Variants in ADGRV1 observed in about 807,000 individuals in gnomAD.
The protein encoded by ADGRV1 is G-protein coupled receptor 98.
Under a neutral mutation model 596.2 loss-of-function variants are expected in ADGRV1, and 359 were observed. That is an observed-to-expected ratio of 0.60 (90% confidence interval 0.55 to 0.66). ADGRV1 has a LOEUF of 0.66. ADGRV1 is among the 30% of genes least tolerant of loss of function. The probability of loss-of-function intolerance (pLI) is 0.00; values close to 1 mark genes in which losing one functional copy is unlikely to be tolerated. For missense variants in ADGRV1, 7,274 were observed against 7,575.6 expected (o/e 0.96, Z 1.48); for synonymous variants, 2,681 against 2,679.2 (o/e 1.00, Z -0.02).
In ADGRV1 at chr5:90,759,600, A is replaced by G. The variant is rs971599435; in HGVS notation, c.12120+12A>G. 3 of 1,604,776 alleles carry G rather than the reference A, an allele frequency of 1.9e-6. No individual in the cohort carries two copies. Among genetic ancestry groups the G allele is most frequent in the Non-Finnish European group, 2.6e-6 (3 of 1,172,184 alleles). ...TTGAAGAAAAGACTGTAAGTTAAAC[A>G]TATCAGGGGAAAGCCTTGTTTCAGG... is the stretch of plus-strand genomic sequence containing the variant. On this transcript the variant is annotated intron_variant, in intron 58 of 89. Transcript: ENST00000405460.
intron 56 of ADGRV1, 98 bp downstream of exon 56, chr5:90,756,728 A>G: frequency 9.6e-7 from 1 of 1,041,494 alleles, no homozygotes; most frequent in Non-Finnish European, 1.4e-6. Context: ...TTATTTTTAA[A>G]TAGATAAATA....
chr5:90,759,913 T>G (rs1189183021), intron 58 of ADGRV1: 1 of 247,236 alleles, frequency 4.0e-6, no homozygotes, highest in East Asian at 1.0e-4. Flanking sequence ...TGCAGTGAGC[T>G]GAGATCACGC....
chr5:90,778,701 G>C, intron 63 of ADGRV1, 92 bp downstream of exon 63: 2 of 1,145,558 alleles, frequency 1.7e-6, no homozygotes, highest in South Asian at 4.1e-5. Context: ...TTCATAAACT[G>C]ATTAATTTGC....
rs368671859 is a variant in ADGRV1 at position 91,163,918 on chromosome 5, G to A, written c.*18G>A. 37 of 1,133,116 alleles carry A rather than the reference G, an allele frequency of 3.3e-5. No individual in the cohort carries two copies. In the South Asian group the frequency reaches 4.4e-4, roughly 13 times the overall value. The allele number at this position is 1,133,116 out of a possible 1,614,324, so 70.2% of individuals were successfully genotyped here. ...ACCTGTAGCACCTCACTAACCATTCGACTGAGCACACTTTCATATTTGTAT... is the reference window on the plus strand; with the variant it reads ...ACCTGTAGCACCTCACTAACCATTCAACTGAGCACACTTTCATATTTGTAT... On this transcript the variant is annotated 3_prime_UTR_variant, in exon 90 of 90. Coordinates refer to ENST00000405460, the MANE Select transcript of ADGRV1 (RefSeq NM_032119.4).
chr5:91,129,944 G>T (rs1794073323), intron 87 of ADGRV1, among the ~76,000 whole-genome samples: 2 of 151,994 alleles, frequency 1.3e-5, no homozygotes, highest in African/African-American at 4.8e-5. Context: ...AATAAGAAAA[G>T]AAAAAAATTT....
intron 85 of ADGRV1, among the ~76,000 whole-genome samples, chr5:91,040,952 C>T (rs1785289121): frequency 6.6e-6 from 1 of 152,184 alleles, no homozygotes; most frequent in South Asian, 2.1e-4. Flanking sequence ...CCAATCTTCT[C>T]TTCTTCTCTA....
intron 83 of ADGRV1, among the ~76,000 whole-genome samples, chr5:90,932,254 A>T (rs1775316533): frequency 6.6e-6 from 1 of 152,150 alleles, no homozygotes. Context: ...TGTAAAAGGT[A>T]CTTTTCCATC....
intron 21 of ADGRV1, among the ~76,000 whole-genome samples, chr5:90,664,833 A>C (rs967560688): frequency 2.9e-4 from 40 of 140,050 alleles, no homozygotes; most frequent in African/African-American, 9.9e-4. Flanking sequence ...AGGGTTGTTG[A>C]ATGTTGTCAA....
At chr5:90,907,144 C>T (rs1167352406) in intron 83 of ADGRV1, among the ~76,000 whole-genome samples, 1 of 152,092 alleles carries the variant, frequency 6.6e-6, no homozygotes, top group African/African-American at 2.4e-5. Context: ...TACATGGTGG[C>T]ATTGTTGACA....
chr5:90,739,832 G>A (rs1021888189), intron 50 of ADGRV1, among the ~76,000 whole-genome samples: 1 of 152,172 alleles, frequency 6.6e-6, no homozygotes, highest in Non-Finnish European at 1.5e-5. Flanking sequence ...CATGGACATG[G>A]GCTTGCCTCC....
At chr5:90,936,421 T>C (rs933357797) in intron 83 of ADGRV1, among the ~76,000 whole-genome samples, 1 of 152,148 alleles carries the variant, frequency 6.6e-6, no homozygotes, top group Non-Finnish European at 1.5e-5. Context: ...ATCAATTGAA[T>C]CTATAAAAAT....
At chr5:90,899,077 CTT>C (rs752620024) in intron 83 of ADGRV1, 3 of 152,192 alleles carry the variant, frequency 2.0e-5, no homozygotes, top group South Asian at 4.1e-4. Context: ...CTGCTGCTGT[CTT>C]TCTTATGTAA....
chr5:90,756,843 C>T (rs571179784), intron 56 of ADGRV1, 136 bp from the exon 57 acceptor site: 3 of 773,242 alleles, frequency 3.9e-6, no homozygotes, highest in Admixed American at 6.0e-5. Flanking sequence ...ACCTTTTATG[C>T]ATACTTATAT....
At chr5:90,645,860 A>G (rs1767674615) in intron 15 of ADGRV1, 108 bp from the exon 16 acceptor site, 1 of 783,214 alleles carries the variant, frequency 1.3e-6, no homozygotes, top group African/African-American at 1.8e-5. Flanking sequence ...GAAATGAATA[A>G]TGGTAGTGTT....
intron 79 of ADGRV1, among the ~76,000 whole-genome samples, chr5:90,852,059 G>A (rs1034112296): frequency 1.3e-5 from 2 of 152,132 alleles, no homozygotes; most frequent in Non-Finnish European, 2.9e-5. Flanking sequence ...ATTTTGACAA[G>A]CTATGGTGGA....
At chr5:90,816,505 C>T (rs1762907366) in intron 75 of ADGRV1, among the ~76,000 whole-genome samples, 1 of 151,456 alleles carries the variant, frequency 6.6e-6, no homozygotes, top group Non-Finnish European at 1.5e-5. Flanking sequence ...TGGTGTGCTG[C>T]ACCCATTAAC....
intron 29 of ADGRV1, 66 bp from the exon 30 acceptor site, chr5:90,689,795 C>T (rs1746226254): frequency 1.8e-6 from 2 of 1,088,068 alleles, no homozygotes; most frequent in South Asian, 1.5e-5. Flanking sequence ...GATAGTTTTT[C>T]CCTAGTATAT....
At chr5:90,805,041 G>A (rs755530386) in intron 71 of ADGRV1, 22 of 311,336 alleles carry the variant, frequency 7.1e-5, no homozygotes, top group Non-Finnish European at 1.2e-4. Context: ...TTTTTTGGAT[G>A]TTGTTCATTC....
chr5:90,921,112 C>T (rs1167781738), intron 83 of ADGRV1, among the ~76,000 whole-genome samples: 1 of 152,148 alleles, frequency 6.6e-6, no homozygotes, highest in Non-Finnish European at 1.5e-5. Context: ...GAAAGTGTAA[C>T]CATTATCCAA....
Sources: allele counts gnomAD v4.1 joint callset (sites outside exome capture counted in the v4.1 genomes callset), GRCh38; gene constraint gnomAD v4.1.1; transcripts MANE v1.5; gene names NCBI Gene and HGNC (gene_info 2026-07-23, HGNC 2026-07-21).